The following PTPRJ variants were observed in gnomAD, a reference collection of about 807,000 sequenced individuals.
PTPRJ encodes the protein receptor-type tyrosine-protein phosphatase eta.
PTPRJ carries 129 observed loss-of-function variants against 141.3 expected under a neutral mutation model. The observed-to-expected ratio is 0.91, with a 90% CI of 0.79 to 1.06. The LOEUF is 1.06. PTPRJ is among the 50% of genes least tolerant of loss of function. PTPRJ has a pLI of 0.00. For synonymous variants in PTPRJ, 610 were observed against 640.5 expected, an observed-to-expected ratio of 0.95 and a Z score of 0.72; for missense variants, 1,601 against 1,679.7, an observed-to-expected ratio of 0.95 and a Z score of 0.82.
chr11:48,035,656 A>G (rs1429493077), intron 1 of PTPRJ, among the ~76,000 whole-genome samples: 1 of 141,720 alleles, frequency 7.1e-6, no homozygotes, highest in African/African-American at 2.7e-5. Context: ...GTAAATGACT[A>G]TGTGCTCTGA....
At chr11:47,995,815 G>A (rs895558757) in intron 1 of PTPRJ, among the ~76,000 whole-genome samples, 1 of 152,164 alleles carries the variant, frequency 6.6e-6, no homozygotes, top group Non-Finnish European at 1.5e-5. Flanking sequence ...TGAGGCGGGC[G>A]GATCACGAGG....
In PTPRJ at chr11:48,143,008, G is replaced by A. The variant is rs776705078; in HGVS notation, c.2533G>A (p.Gly845Arg). 9 of 1,614,042 alleles carry A rather than the reference G, an allele frequency of 5.6e-6. No homozygotes were observed. The highest frequency in any genetic ancestry group is 5.0e-5 in the Admixed American group (3 of 59,998). ...GTTCAGTGGATTTGAAGCCAGCCAC[G>A]GACCCATCAAAGCCTATGCTGTCAT... ...VKFSGFEASHGPIKAYAVILT... is the reference protein window; with the variant it reads ...VKFSGFEASHRPIKAYAVILT... Residue 845 changes from glycine (G) to arginine (R), a missense_variant, in exon 12 of 25, where the codon GGA becomes AGA. Coordinates refer to ENST00000418331, the MANE Select transcript of PTPRJ (RefSeq NM_002843.4).
intron 1 of PTPRJ, among the ~76,000 whole-genome samples, chr11:47,985,565 G>A (rs546591262): frequency 2.6e-4 from 40 of 152,298 alleles, no homozygotes; most frequent in South Asian, 8.3e-4. Context: ...TAACTACTAC[G>A]TGGCGGAGCC....
chr11:48,038,237 TG>T (rs1442731217), intron 1 of PTPRJ, among the ~76,000 whole-genome samples: 1 of 152,142 alleles, frequency 6.6e-6, no homozygotes, highest in African/African-American at 2.4e-5. Context: ...AGTAAATGCT[TG>T]GTGAACAAGT....
intron 20 of PTPRJ, 33 bp downstream of exon 20, chr11:48,155,907 T>C (rs756212951): frequency 6.3e-7 from 1 of 1,587,082 alleles, no homozygotes; most frequent in Non-Finnish European, 8.6e-7. Flanking sequence ...AGCACTGGAC[T>C]GTTTCGATGA....
At chr11:48,011,916 G>T (rs1413586000) in intron 1 of PTPRJ, among the ~76,000 whole-genome samples, 1 of 152,136 alleles carries the variant, frequency 6.6e-6, no homozygotes, top group African/African-American at 2.4e-5. Flanking sequence ...CTCCTGTCTT[G>T]GCCTCCCAAA....
chr11:48,134,162 A>G (rs1857036512), intron 8 of PTPRJ, among the ~76,000 whole-genome samples: 1 of 152,238 alleles, frequency 6.6e-6, no homozygotes, highest in Non-Finnish European at 1.5e-5. Flanking sequence ...CTATTTTTCT[A>G]ACCCAACTGA....
chr11:48,092,693 G>A (rs1472202750), intron 1 of PTPRJ, among the ~76,000 whole-genome samples: 2 of 152,190 alleles, frequency 1.3e-5, no homozygotes, highest in Non-Finnish European at 2.9e-5. Context: ...GCCTCCCAAA[G>A]TGCTGGGATT....
chr11:48,066,137 G>C (rs1855076637), intron 1 of PTPRJ, among the ~76,000 whole-genome samples: 1 of 152,080 alleles, frequency 6.6e-6, no homozygotes, highest in African/African-American at 2.4e-5. Flanking sequence ...GGCAGAGTGA[G>C]ACCCTGTCAA....
intron 4 of PTPRJ, among the ~76,000 whole-genome samples, chr11:48,122,691 A>G (rs1385368367): frequency 6.6e-6 from 1 of 152,236 alleles, no homozygotes; most frequent in Non-Finnish European, 1.5e-5. Context: ...TTGGTTCTGC[A>G]TTACTTAATA....
chr11:48,010,829 C>A (rs538725440), intron 1 of PTPRJ, among the ~76,000 whole-genome samples: 1 of 151,998 alleles, frequency 6.6e-6, no homozygotes, highest in Non-Finnish European at 1.5e-5. Flanking sequence ...AGCCACCATG[C>A]CTGGCCTATT....
intron 23 of PTPRJ, among the ~76,000 whole-genome samples, chr11:48,164,107 G>C (rs1198521127): frequency 6.6e-6 from 1 of 152,196 alleles, no homozygotes; most frequent in Admixed American, 6.5e-5. Flanking sequence ...TGGGTTATGG[G>C]CAACTTGAAT....
At chr11:48,109,906 C>T (rs567626229) in intron 1 of PTPRJ, 152 bp from the exon 2 acceptor site, 310 of 801,594 alleles carry the variant, frequency 3.9e-4, no homozygotes, top group Non-Finnish European at 5.8e-4. Flanking sequence ...GTTTAATGTC[C>T]CAAGACGGCC....
chr11:48,043,278 A>G (rs528496419), intron 1 of PTPRJ, among the ~76,000 whole-genome samples: 7 of 152,290 alleles, frequency 4.6e-5, no homozygotes, highest in African/African-American at 1.4e-4. Context: ...GTGCAGTGCC[A>G]TGATCATAGC....
intron 1 of PTPRJ, among the ~76,000 whole-genome samples, chr11:48,057,010 A>T (rs1217490440): frequency 6.6e-6 from 1 of 152,196 alleles, no homozygotes; most frequent in East Asian, 1.9e-4. Context: ...TGCCCAAGGT[A>T]ACCCAGCTCA....
chr11:48,138,898 G>A (rs1446361237), intron 10 of PTPRJ, among the ~76,000 whole-genome samples: 1 of 152,188 alleles, frequency 6.6e-6, no homozygotes, highest in African/African-American at 2.4e-5. Flanking sequence ...ACTTTGGGAG[G>A]CCAAGGTGGG....
At position 48,110,080 on chromosome 11, in the gene PTPRJ, A is replaced by T. The variant is rs768205922; in HGVS notation, c.115+4A>T. 1 of 1,613,586 alleles carries T rather than the reference A, an allele frequency of 6.2e-7. No individual in the cohort carries two copies. Among genetic ancestry groups the T allele is most frequent in the Admixed American group, 1.7e-5 (1 of 60,002 alleles). ...CAGATCCTGTGCGCAGGTGGCAGTG[A>T]GTACCCTTTTCCTCTCTATTCTTGT... is the stretch of plus-strand genomic sequence containing the variant. On this transcript the variant is annotated splice_donor_region_variant and intron_variant, in intron 2 of 24. Coordinates refer to ENST00000418331, the MANE Select transcript of PTPRJ (RefSeq NM_002843.4).
In PTPRJ at chr11:48,163,722, G is replaced by A. The variant is rs1565335656; in HGVS notation, c.3719+104G>A. 2.3e-6 allele frequency: 3 copies of A among 1,313,546 alleles called. No individual in the cohort carries two copies. In the East Asian group the frequency reaches 7.5e-5, roughly 33 times the overall value. 81.4% of individuals were successfully genotyped at this position (1,313,546 alleles called of 1,614,324 possible). On this transcript the variant is annotated intron_variant, in intron 23 of 24. Coordinates refer to ENST00000418331, the MANE Select transcript of PTPRJ (RefSeq NM_002843.4). The stretch of plus-strand genomic sequence containing the variant: ...AAGAGGGAATGTAATAGGCATTTAT[G>A]AATTCAGGAAAGGTTTGGATAAGGA...
intron 8 of PTPRJ, among the ~76,000 whole-genome samples, chr11:48,131,080 T>A (rs1263927568): frequency 1.7e-3 from 210 of 126,400 alleles, no homozygotes; most frequent in African/African-American, 5.8e-3. Context: ...ATTTTTTTTT[T>A]TTTTTTTTTT....
Sources: gnomAD v4.1 joint callset for allele counts (sites outside exome capture counted in the v4.1 genomes callset) on GRCh38, gnomAD v4.1.1 for gene constraint, MANE v1.5 for transcripts, NCBI Gene and HGNC (gene_info 2026-07-23, HGNC 2026-07-21) for gene names.